Variants in RANBP2 observed in about 807,000 individuals in gnomAD.
RANBP2 encodes the protein E3 SUMO-protein ligase RanBP2.
Under a neutral mutation model 303.6 loss-of-function variants are expected in RANBP2, and 57 were observed. The observed-to-expected ratio is 0.19, with a 90% CI of 0.15 to 0.23. RANBP2 has a LOEUF of 0.23. RANBP2 is among the 10% of genes least tolerant of loss of function. The pLI, the probability that RANBP2 is intolerant of heterozygous loss-of-function variation, is 1.00. For synonymous variants in RANBP2, 1,167 were observed against 1,301.5 expected (o/e 0.90, Z 2.23); for missense variants, 3,138 against 3,780.8 (o/e 0.83, Z 4.46).
the RANBP2 span, among the ~76,000 whole-genome samples, chr2:108,986,397 T>A: frequency 6.6e-6 from 1 of 152,088 alleles, no homozygotes; most frequent in East Asian, 1.9e-4. Context: ...AGTGTTTGCT[T>A]ACTCCACTCT....
the RANBP2 span, among the ~76,000 whole-genome samples, chr2:109,438,857 G>T: frequency 6.6e-6 from 1 of 152,184 alleles, no homozygotes; most frequent in Non-Finnish European, 1.5e-5. Context: ...AGGACCAGGG[G>T]AGCAAAAGTC....
the RANBP2 span, among the ~76,000 whole-genome samples, chr2:109,387,351 T>C: frequency 6.6e-6 from 1 of 152,116 alleles, no homozygotes; most frequent in Non-Finnish European, 1.5e-5. Context: ...CGGTTCCCCA[T>C]CTCAGGGGAG....
At chr2:109,716,062 T>G in the RANBP2 span, among the ~76,000 whole-genome samples, 18 of 152,148 alleles carry the variant, frequency 1.2e-4, no homozygotes, top group African/African-American at 3.9e-4. Flanking sequence ...CCAAAGATGA[T>G]TTTGAGGTCT....
At chr2:108,728,619 GAT>G (rs1694928072) in intron 1 of RANBP2, among the ~76,000 whole-genome samples, 1 of 151,356 alleles carries the variant, frequency 6.6e-6, no homozygotes, top group African/African-American at 2.4e-5. Flanking sequence ...TGATGATGAT[GAT>G]GATGATGATG....
the RANBP2 span, among the ~76,000 whole-genome samples, chr2:109,305,693 A>G: frequency 6.6e-6 from 1 of 151,892 alleles, no homozygotes; most frequent in Non-Finnish European, 1.5e-5. Flanking sequence ...GTCACTGTAC[A>G]CTCCTTCATG....
chr2:109,080,444 G>A, the RANBP2 span, among the ~76,000 whole-genome samples: 5 of 152,158 alleles, frequency 3.3e-5, no homozygotes, highest in East Asian at 1.9e-4. Flanking sequence ...TGCCTGTTCC[G>A]AGACCAAGAA....
the RANBP2 span, among the ~76,000 whole-genome samples, chr2:109,495,461 T>TGAATA: frequency 6.8e-6 from 1 of 147,226 alleles, no homozygotes; most frequent in Non-Finnish European, 1.5e-5. Context: ...CATTTCATCC[T>TGAATA]GAATATCTTT....
the RANBP2 span, among the ~76,000 whole-genome samples, chr2:109,411,153 A>T: frequency 1.3e-5 from 2 of 152,212 alleles, no homozygotes; most frequent in African/African-American, 4.8e-5. Context: ...CTGGTGTCAC[A>T]GTCAGCAACT....
At chr2:108,732,196 TAAA>T (rs990903081) in intron 4 of RANBP2, among the ~76,000 whole-genome samples, 1 of 152,210 alleles carries the variant, frequency 6.6e-6, no homozygotes, top group African/African-American at 2.4e-5. Flanking sequence ...GATAGGAATT[TAAA>T]AAATTTTAAT....
the RANBP2 span, chr2:108,906,394 A>G: frequency 1.9e-6 from 3 of 1,613,850 alleles, no homozygotes; most frequent in Non-Finnish European, 2.5e-6. Flanking sequence ...GAGAATTTTC[A>G]TCTCCAGAAA....
the RANBP2 span, among the ~76,000 whole-genome samples, chr2:108,988,209 G>A: frequency 6.6e-6 from 1 of 152,230 alleles, no homozygotes; most frequent in African/African-American, 2.4e-5. Context: ...GGGAAACCCA[G>A]TGGGAACCTC....
the RANBP2 span, among the ~76,000 whole-genome samples, chr2:109,041,929 A>G: frequency 6.6e-6 from 1 of 152,130 alleles, no homozygotes. Context: ...TAATGTGGTG[A>G]ATTACAATGT....
At chr2:109,635,592 G>C in the RANBP2 span, among the ~76,000 whole-genome samples, 1 of 152,210 alleles carries the variant, frequency 6.6e-6, no homozygotes, top group African/African-American at 2.4e-5. Flanking sequence ...CATGAGGAGA[G>C]CCAGATGCTA....
intron 4 of RANBP2, among the ~76,000 whole-genome samples, chr2:108,733,726 A>G (rs556117122): frequency 6.6e-6 from 1 of 152,202 alleles, no homozygotes; most frequent in Non-Finnish European, 1.5e-5. Flanking sequence ...AGTAGTGTTA[A>G]AGAACATATG....
At chr2:109,130,129 G>T in the RANBP2 span, 2 of 1,286,954 alleles carry the variant, frequency 1.6e-6, no homozygotes, top group South Asian at 2.5e-5. Flanking sequence ...TATCTGTCTC[G>T]GCGGAAGTGG....
the RANBP2 span, chr2:109,592,931 T>C: frequency 1.9e-6 from 1 of 518,778 alleles, no homozygotes; most frequent in South Asian, 7.5e-5. Flanking sequence ...TAATTCACGT[T>C]GGAGGTAAGT....
At chr2:108,875,307 C>CT in the RANBP2 span, among the ~76,000 whole-genome samples, 2 of 100,074 alleles carry the variant, frequency 2.0e-5, no homozygotes. Context: ...TACCCTAAAA[C>CT]TTAAAGTATA....
the RANBP2 span, among the ~76,000 whole-genome samples, chr2:109,456,514 G>C: frequency 6.6e-5 from 10 of 152,224 alleles, no homozygotes; most frequent in African/African-American, 2.4e-4. Flanking sequence ...CAGAGCACAG[G>C]CCCTCAGTGG....
chr2:109,615,762 A>C, the RANBP2 span: 2 of 1,614,008 alleles, frequency 1.2e-6, no homozygotes, highest in Non-Finnish European at 1.7e-6. Context: ...GCATCTCATC[A>C]CCTACAAACT....
Sources: allele counts gnomAD v4.1 joint callset (sites outside exome capture counted in the v4.1 genomes callset), GRCh38; gene constraint gnomAD v4.1.1; transcripts MANE v1.5; gene names NCBI Gene and HGNC (gene_info 2026-07-23, HGNC 2026-07-21).